The following SIAE variants were observed in gnomAD, a reference collection of about 807,000 sequenced individuals.
SIAE encodes the protein sialate O-acetylesterase.
Under a neutral mutation model 52.6 loss-of-function variants are expected in SIAE, and 39 were observed. The ratio of observed to expected loss-of-function variants is 0.74; its 90% CI spans 0.57 to 0.97. The LOEUF (loss-of-function observed/expected upper bound fraction) is 0.97. Among genes scored for constraint, SIAE ranks in the 50% least tolerant of loss-of-function variants. The pLI is 0.00. For missense variants in SIAE, 592 were observed against 662.1 expected (o/e 0.89, Z 1.16); for synonymous variants, 233 against 241.4 (o/e 0.97, Z 0.32).
intron 7 of SIAE, among the ~76,000 whole-genome samples, chr11:124,646,598 A>G (rs564188595): frequency 6.6e-6 from 1 of 152,304 alleles, no homozygotes; most frequent in South Asian, 2.1e-4. Context: ...GGGGAAATGG[A>G]CATTCTCACA....
chr11:124,637,150 G>A lies in SIAE; in HGVS notation c.1373C>T (p.Thr458Ile), dbSNP rs770537556. Residue 458 changes from threonine (T) to isoleucine (I), a missense_variant, in exon 10 of 10, where the codon ACC (threonine) becomes ATC (isoleucine). Transcript: ENST00000263593. Reference protein sequence around the residue: ...RCKWLPASMNTVSTQSLTLAI... With the variant: ...RCKWLPASMNIVSTQSLTLAI... ...CAGGGTCAGGGACTGGGTGGAGACG[G>A]TGTTCATAGAAGCTGGAAGCCACTT... The A allele has an allele frequency of 5.6e-5, 90 of 1,614,074 alleles. No homozygotes were observed. The highest frequency in any genetic ancestry group is 5.2e-4 in the South Asian group (47 of 91,088).
In SIAE at chr11:124,670,100, G is replaced by A. The variant is rs74511406; in HGVS notation, c.68-579C>T. On this transcript the variant is annotated intron_variant, in intron 1 of 9. Transcript: ENST00000263593. The surrounding 1 kb of genome is among the most constrained non-coding windows in gnomAD (Gnocchi z 4.5). The stretch of plus-strand genomic sequence containing the variant: ...TGGTTTTTTGACAACCCAGTGTACT[G>A]CATCAAAAATTCTAAATAAGCCCTT... 2.6e-3 allele frequency among the ~76,000 whole-genome samples: 398 copies of A among 152,144 alleles called. 1 individual carries two copies. Among genetic ancestry groups the A allele is most frequent in the African/African-American group, 9.4e-3 (389 of 41,498 alleles).
chr11:124,655,174 C>CTTTT (rs766294261), intron 3 of SIAE, among the ~76,000 whole-genome samples: 11,728 of 134,550 alleles, frequency 0.087, 1,400 homozygotes, highest in African/African-American at 0.31. Flanking sequence ...TTAACTTCTT[C>CTTTT]TTTTTTTTTT....
At chr11:124,643,533 G>A (rs1942882945) in intron 7 of SIAE, among the ~76,000 whole-genome samples, 1 of 152,192 alleles carries the variant, frequency 6.6e-6, no homozygotes, top group Non-Finnish European at 1.5e-5. Context: ...AAGGTAGTGA[G>A]AAGTGGTCAG....
At position 124,635,441 on chromosome 11, in the gene SIAE, C is replaced by T. The variant is rs553143011; in HGVS notation, c.*1510G>A. ...TACACCAGAACCCCTTGGAACTCTA[C>T]AGAGGGGTAGAACTAAAGCAAAAAC... On this transcript the variant is annotated 3_prime_UTR_variant, in exon 10 of 10. Coordinates refer to ENST00000263593, the MANE Select transcript of SIAE (RefSeq NM_170601.5). 1 of 152,234 alleles carries T rather than the reference C, an allele frequency of 6.6e-6. No individual in the cohort carries two copies. The highest frequency in any genetic ancestry group is 1.5e-5 in the Non-Finnish European group (1 of 68,018). 9.4% of individuals were successfully genotyped at this position (152,234 alleles called of 1,614,324 possible). A position where few individuals can be genotyped will look rare whatever the true frequency, so the allele number is the denominator to read the frequency against.
chr11:124,663,448 C>A (rs1943220950), intron 2 of SIAE, among the ~76,000 whole-genome samples: 2 of 152,050 alleles, frequency 1.3e-5, no homozygotes, highest in South Asian at 4.1e-4. Flanking sequence ...GGTGGCGGCA[C>A]CCGTAGTCCC....
rs1386289648 is a variant in SIAE at position 124,647,978 on chromosome 11, G to A, written c.832+88C>T. 6 of 1,021,862 alleles carry A rather than the reference G, an allele frequency of 5.9e-6. No individual in the cohort carries two copies. In the East Asian group the frequency reaches 1.4e-4, roughly 24 times the overall value. The allele number at this position is 1,021,862 out of a possible 1,614,324, so 63.3% of individuals were successfully genotyped here. Reference sequence around the variant, plus strand: ...AGCTGAATAAAATTATAAAGTTATTGTTGCTTTAAGCCACTACGTTCTAGG... The same window carrying A: ...AGCTGAATAAAATTATAAAGTTATTATTGCTTTAAGCCACTACGTTCTAGG... On this transcript the variant is annotated intron_variant, in intron 6 of 9. Transcript: ENST00000263593.
At chr11:124,654,956 C>T (rs1049052216) in intron 3 of SIAE, among the ~76,000 whole-genome samples, 163 bp from the exon 4 acceptor site, 1 of 151,940 alleles carries the variant, frequency 6.6e-6, no homozygotes, top group African/African-American at 2.4e-5. Flanking sequence ...TCCACTTTTA[C>T]CAAAAGAGAC....
chr11:124,657,450 C>T (rs1206787270), intron 3 of SIAE, among the ~76,000 whole-genome samples: 1 of 152,204 alleles, frequency 6.6e-6, no homozygotes, highest in Non-Finnish European at 1.5e-5. Context: ...CACTAGCTTC[C>T]GCACTGACTG....
At chr11:124,654,569 A>C in intron 4 of SIAE, 86 bp downstream of exon 4, 1 of 1,611,760 alleles carries the variant, frequency 6.2e-7, no homozygotes, top group Non-Finnish European at 8.5e-7. Context: ...ATAAATAGAC[A>C]CATAAGAACC....
In SIAE at chr11:124,670,722, T is replaced by TCC. The variant is rs1943339785; in HGVS notation, c.68-1202_68-1201insGG. 6.6e-6 allele frequency among the ~76,000 whole-genome samples: 1 copy of TCC among 152,170 alleles called. No homozygotes were observed. The highest frequency in any genetic ancestry group is 1.5e-5 in the Non-Finnish European group (1 of 68,030). On this transcript the variant is annotated intron_variant, in intron 1 of 9. Transcript: ENST00000263593. The surrounding 1 kb of genome is among the most constrained non-coding windows in gnomAD (Gnocchi z 4.5). ...TGGCCTATTTATCCTGCTCTTGGAA[T>TCC]AACAGCCCAGTCCCTAAAAATCCTC... is the stretch of plus-strand genomic sequence containing the variant.
rs746490959 is a variant in SIAE, at chr11:124,647,347, C to G, written c.966+18G>C. The G allele has an allele frequency of 2.7e-5, 44 of 1,614,150 alleles. No homozygotes were observed. The South Asian group carries it at 4.3e-4, about 16-fold the overall frequency. ...ACAGGTGTTGACATGAACAGAGAAGCCTTTACCCACATCGTACCTGGACAA... is the reference window on the plus strand; with the variant it reads ...ACAGGTGTTGACATGAACAGAGAAGGCTTTACCCACATCGTACCTGGACAA... On this transcript the variant is annotated intron_variant, in intron 7 of 9. Transcript: ENST00000263593.
At chr11:124,659,376 C>T (rs1236079391) in intron 3 of SIAE, 2 of 152,208 alleles carry the variant, frequency 1.3e-5, no homozygotes, top group African/African-American at 4.8e-5. Flanking sequence ...GATTCTGCTT[C>T]TACTCTCTTA....
chr11:124,658,679 G>A (rs886581035), intron 3 of SIAE, among the ~76,000 whole-genome samples: 1 of 152,106 alleles, frequency 6.6e-6, no homozygotes, highest in African/African-American at 2.4e-5. Context: ...CAACAAGATG[G>A]GCACACAATC....
At chr11:124,662,055 A>G (rs568375723) in intron 2 of SIAE, among the ~76,000 whole-genome samples, 9 of 152,364 alleles carry the variant, frequency 5.9e-5, no homozygotes, top group Admixed American at 3.9e-4. Flanking sequence ...AAGCCCCAAG[A>G]CATCAGAGGA....
Position 124,638,679 on chromosome 11 carries a change from G to A in SIAE, c.1183C>T (p.Leu395=). The A allele has an allele frequency of 6.2e-7, 1 of 1,614,132 alleles. No homozygotes were observed. The highest frequency in any genetic ancestry group is 8.5e-7 in the Non-Finnish European group (1 of 1,180,024). Residue 395 remains leucine (L), a synonymous_variant, in exon 9 of 10, where the codon CTG becomes TTG. Transcript: ENST00000263593. ...AYRLHLGARA[L]AYGEKNLTFE... is the part of the protein sequence containing the mutation. The stretch of plus-strand genomic sequence containing the variant: ...GTCAAATTCTTCTCACCATAAGCCA[G>A]AGCACGGGCCCCCAAATGCAGCCGA...
At chr11:124,652,434 T>A (rs1943030276) in intron 4 of SIAE, among the ~76,000 whole-genome samples, 1 of 151,990 alleles carries the variant, frequency 6.6e-6, no homozygotes, top group Non-Finnish European at 1.5e-5. Context: ...ACGCCTGTAA[T>A]CCCAGCACTT....
chr11:124,672,319 G>A (rs911823461), intron 1 of SIAE, among the ~76,000 whole-genome samples: 2 of 152,208 alleles, frequency 1.3e-5, no homozygotes, highest in African/African-American at 4.8e-5. Context: ...AGCTCCGGAT[G>A]CATTGGCGAG....
Position 124,638,300 on chromosome 11 carries a change from T to C in SIAE, c.1320+242A>G, listed in dbSNP as rs1258816680. On this transcript the variant is annotated intron_variant, in intron 9 of 9. Coordinates refer to ENST00000263593, the MANE Select transcript of SIAE (RefSeq NM_170601.5). The stretch of plus-strand genomic sequence containing the variant: ...CGGCAGAGAAAATGTAAAAGGAAAT[T>C]AAAAATTTTTTAAAGTCCATTTTAA... 2.6e-5 allele frequency among the ~76,000 whole-genome samples: 4 copies of C among 152,244 alleles called. No individual in the cohort carries two copies. In the East Asian group the frequency reaches 5.8e-4, roughly 22 times the overall value.
Sources: gnomAD v4.1 joint callset for allele counts (sites outside exome capture counted in the v4.1 genomes callset) on GRCh38, gnomAD v4.1.1 for gene constraint, Gnocchi (gnomAD v3.1) non-coding constraint, MANE v1.5 for transcripts, NCBI Gene and HGNC (gene_info 2026-07-23, HGNC 2026-07-21) for gene names.